The following POLR1C variants were observed in gnomAD, a reference collection of about 807,000 sequenced individuals.
POLR1C encodes DNA-directed RNA polymerases I and III subunit RPAC1.
In POLR1C, 42 loss-of-function variants were observed where a neutral mutation model predicts 38.3. The observed-to-expected ratio is 1.10, with a 90% CI of 0.86 to 1.42. The LOEUF (loss-of-function observed/expected upper bound fraction) is 1.42. POLR1C is among the 40% of genes most tolerant of loss of function. POLR1C has a pLI of 0.00. For missense variants in POLR1C, 507 were observed against 450.5 expected (o/e 1.13, Z -1.14); for synonymous variants, 163 against 163.9 (o/e 0.99, Z 0.04).
downstream of POLR1C, among the ~76,000 whole-genome samples, chr6:43,530,382 C>T (rs1338671881): frequency 6.6e-6 from 1 of 151,984 alleles, no homozygotes; most frequent in Non-Finnish European, 1.5e-5. Flanking sequence ...GATCATACCA[C>T]TGCACTCCAG....
intron 10 of POLR1C, among the ~76,000 whole-genome samples, chr6:43,552,876 T>G (rs112902291): frequency 5.9e-5 from 9 of 152,178 alleles, no homozygotes; most frequent in Non-Finnish European, 1.2e-4. Flanking sequence ...ATACTAAATG[T>G]GGTAGTGCTT....
intron 9 of POLR1C, chr6:43,547,284 C>T (rs1795009217): frequency 4.8e-6 from 2 of 417,996 alleles, no homozygotes; most frequent in East Asian, 5.6e-5. Flanking sequence ...TAAGACTTTA[C>T]ATGCCAGAGA....
intron 2 of POLR1C, 62 bp downstream of exon 2, chr6:43,517,439 C>A: frequency 7.1e-7 from 1 of 1,401,210 alleles, no homozygotes; most frequent in Non-Finnish European, 1.0e-6. Flanking sequence ...GTCTGAGCAG[C>A]CTGTGTCTGT....
chr6:43,558,877 A>T, intron 10 of POLR1C: 1 of 311,054 alleles, frequency 3.2e-6, no homozygotes, highest in Non-Finnish European at 5.9e-6. Flanking sequence ...AAAAAATGAC[A>T]ATTCAGTATG....
intron 10 of POLR1C, chr6:43,560,328 G>A (rs752785858): frequency 2.0e-5 from 32 of 1,573,576 alleles, no homozygotes; most frequent in South Asian, 1.4e-4. Context: ...AAAAGAAAAC[G>A]TCAAAGGATT....
chr6:43,557,823 G>A (rs987937934), intron 10 of POLR1C, among the ~76,000 whole-genome samples: 8 of 150,328 alleles, frequency 5.3e-5, no homozygotes, highest in Admixed American at 4.6e-4. Context: ...GGCTGGGCGC[G>A]GTGGTTCGCA....
intron 9 of POLR1C, chr6:43,547,642 C>T: frequency 6.2e-7 from 1 of 1,614,058 alleles, no homozygotes; most frequent in Non-Finnish European, 8.5e-7. Context: ...ATCCTCCAGG[C>T]CTGGGTCACA....
chr6:43,540,881 T>C (rs1794655827), intron 9 of POLR1C, among the ~76,000 whole-genome samples: 1 of 151,398 alleles, frequency 6.6e-6, no homozygotes, highest in Admixed American at 6.6e-5. Context: ...ATAATTCACA[T>C]AACATAAAAC....
chr6:43,525,756 G>T, downstream of POLR1C: 1 of 1,427,464 alleles, frequency 7.0e-7, no homozygotes, highest in Non-Finnish European at 9.5e-7. Flanking sequence ...AAAAACTCTT[G>T]ATAGCACCAT....
chr6:43,525,762 A>G (rs1441451380), downstream of POLR1C: 2 of 1,466,508 alleles, frequency 1.4e-6, no homozygotes, highest in Non-Finnish European at 1.9e-6. Context: ...TCTTGATAGC[A>G]CCATAGAGCA....
intron 10 of POLR1C, chr6:43,560,308 A>C (rs750868028): frequency 1.9e-6 from 3 of 1,595,352 alleles, no homozygotes; most frequent in Non-Finnish European, 1.7e-6. Context: ...TAGAAACTAA[A>C]GAGAAAAAAA....
chr6:43,517,638 G>A (rs554209277), intron 2 of POLR1C, among the ~76,000 whole-genome samples: 1 of 152,272 alleles, frequency 6.6e-6, no homozygotes, highest in East Asian at 1.9e-4. Context: ...TAGCGATGAA[G>A]ACGGCAGGGT....
At chr6:43,536,038 A>C (rs1794300590) in intron 9 of POLR1C, among the ~76,000 whole-genome samples, 1 of 145,872 alleles carries the variant, frequency 6.9e-6, no homozygotes, top group African/African-American at 2.6e-5. Context: ...CAGGAGAATC[A>C]CTTGAATCCA....
intron 2 of POLR1C, among the ~76,000 whole-genome samples, chr6:43,517,808 A>G (rs557919098): frequency 6.6e-6 from 1 of 152,252 alleles, no homozygotes; most frequent in Admixed American, 6.5e-5. Flanking sequence ...TTCAGGATAT[A>G]CAGGTTTTGT....
At chr6:43,522,261 C>T (rs561329024), downstream of POLR1C, 3 of 152,582 alleles carry the variant, frequency 2.0e-5, no homozygotes, top group East Asian at 5.8e-4. Flanking sequence ...TGTTTTAGTC[C>T]CGGGTGCTCA....
downstream of POLR1C, chr6:43,526,453 A>G (rs1436153221): frequency 1.8e-5 from 10 of 556,950 alleles, no homozygotes; most frequent in Admixed American, 3.1e-4. Flanking sequence ...AGCAAGAGAA[A>G]AGATCACATA....
At chr6:43,538,026 A>G (rs1267427047) in intron 9 of POLR1C, among the ~76,000 whole-genome samples, 4 of 139,960 alleles carry the variant, frequency 2.9e-5, no homozygotes, top group South Asian at 2.6e-4. Context: ...CGGAGGGTGC[A>G]GTGAGCTGAG....
Position 43,521,015 on chromosome 6 carries a change from G to A in POLR1C, c.889G>A (p.Val297Met). The A allele has an allele frequency of 1.9e-6, 3 of 1,614,208 alleles. No individual in the cohort carries two copies. Among genetic ancestry groups the A allele is most frequent in the Non-Finnish European group, 2.5e-6 (3 of 1,180,026 alleles). Residue 297 changes from valine (V) to methionine (M), a missense_variant, in exon 8 of 9, where the codon GTG (valine) becomes ATG (methionine). Transcript: ENST00000642195. ...CCGGAATGAGAAGCTAAAGAAGGTT[G>A]TGAGGCTTGCCCGGGTTCGAGATCA... is the stretch of plus-strand genomic sequence containing the variant. ...IFRNEKLKKV[V>M]RLARVRDHYI...
intron 10 of POLR1C, among the ~76,000 whole-genome samples, chr6:43,551,701 T>A (rs570587862): frequency 3.3e-4 from 50 of 152,232 alleles, no homozygotes; most frequent in African/African-American, 1.2e-3. Context: ...CTTTCTAAAA[T>A]TTTTGTAGAG....
Sources: allele counts gnomAD v4.1 joint callset (sites outside exome capture counted in the v4.1 genomes callset), GRCh38; gene constraint gnomAD v4.1.1; transcripts MANE v1.5; gene names NCBI Gene and HGNC (gene_info 2026-07-23, HGNC 2026-07-21).